PTPRT: variants seen among roughly 807,000 people sequenced by gnomAD.
PTPRT encodes the protein protein tyrosine phosphatase receptor type T.
PTPRT carries 56 observed loss-of-function variants against 176.8 expected under a neutral mutation model. That is an observed-to-expected ratio of 0.32 (90% CI 0.26 to 0.40). PTPRT has a LOEUF of 0.40. PTPRT is among the 10% of genes least tolerant of loss of function. PTPRT has a pLI of 1.00. For missense variants in PTPRT, 1,540 were observed against 1,908.2 expected (o/e 0.81, Z 3.60); for synonymous variants, 783 against 739.0 (o/e 1.06, Z -0.96).
intron 1 of PTPRT, among the ~76,000 whole-genome samples, chr20:42,897,049 T>G (rs1161827722): frequency 6.6e-6 from 1 of 152,174 alleles, no homozygotes; most frequent in Non-Finnish European, 1.5e-5. Context: ...TTACATCTAA[T>G]TCAGTAAGCA....
intron 24 of PTPRT, among the ~76,000 whole-genome samples, chr20:42,106,377 A>C (rs1160473411): frequency 2.0e-5 from 3 of 152,200 alleles, no homozygotes; most frequent in Non-Finnish European, 4.4e-5. Flanking sequence ...TTGTTGATTA[A>C]ACCATTCCCT....
At chr20:42,296,986 A>G (rs2057397048) in intron 12 of PTPRT, among the ~76,000 whole-genome samples, 1 of 152,172 alleles carries the variant, frequency 6.6e-6, no homozygotes, top group Non-Finnish European at 1.5e-5. Flanking sequence ...AAAAATACAA[A>G]TTTAAAAAAT....
At chr20:42,120,678 G>A (rs924528724) in intron 19 of PTPRT, among the ~76,000 whole-genome samples, 5 of 152,210 alleles carry the variant, frequency 3.3e-5, no homozygotes, top group African/African-American at 1.2e-4. Flanking sequence ...CATTGGACAA[G>A]AGGTTGAAGG....
intron 13 of PTPRT, among the ~76,000 whole-genome samples, chr20:42,274,536 A>AGTGTGTGTGTGTGTGTGTGTGTGT (rs529883269): frequency 1.8e-5 from 2 of 113,296 alleles, no homozygotes; most frequent in African/African-American, 8.1e-5. Context: ...GGCCCTGTAC[A>AGTGTGTGTGTGTGTGTGTGTGTGT]GTGTGTGTGT....
At chr20:42,613,635 C>G (rs972878519) in intron 7 of PTPRT, among the ~76,000 whole-genome samples, 2 of 152,204 alleles carry the variant, frequency 1.3e-5, no homozygotes, top group Non-Finnish European at 2.9e-5. Flanking sequence ...GACCTGGAGG[C>G]TAAGATTACC....
At chr20:42,424,127 T>C (rs2059142811) in intron 9 of PTPRT, among the ~76,000 whole-genome samples, 1 of 152,226 alleles carries the variant, frequency 6.6e-6, no homozygotes. Context: ...GGGACCAACC[T>C]TAAAGCATTT....
chr20:43,080,639 G>A (rs2011415070), intron 1 of PTPRT, among the ~76,000 whole-genome samples: 1 of 152,196 alleles, frequency 6.6e-6, no homozygotes, highest in South Asian at 2.1e-4. Context: ...GGAAATGGCT[G>A]CCCAGCCTGT....
At position 42,552,267 on chromosome 20, in the gene PTPRT, T is replaced by C. The variant is rs140211424; in HGVS notation, c.1154-79705A>G. 4.6e-3 allele frequency among the ~76,000 whole-genome samples: 700 copies of C among 152,164 alleles called. 4 individuals are homozygous for C. Among genetic ancestry groups the C allele is most frequent in the African/African-American group, 0.016 (667 of 41,524 alleles). ...GCAAACAATACCTCCTTAACCTGAA[T>C]TGGGAAGAGAGATGGCAGATGCCAC... On this transcript the variant is annotated intron_variant, in intron 7 of 30. Coordinates refer to ENST00000373187, the MANE Select transcript of PTPRT (RefSeq NM_007050.6).
intron 2 of PTPRT, among the ~76,000 whole-genome samples, chr20:42,873,849 A>G (rs1242332109): frequency 6.6e-6 from 1 of 152,202 alleles, no homozygotes; most frequent in African/African-American, 2.4e-5. Flanking sequence ...TTTTTTAGAG[A>G]CATCTCAGCC....
chr20:42,132,066 A>T (rs1280580772), intron 18 of PTPRT, among the ~76,000 whole-genome samples: 1 of 152,190 alleles, frequency 6.6e-6, no homozygotes, highest in Non-Finnish European at 1.5e-5. Flanking sequence ...AGACTCAAGG[A>T]ATCATGCTGG....
chr20:42,326,264 C>G (rs972720768), intron 11 of PTPRT, among the ~76,000 whole-genome samples: 1 of 152,174 alleles, frequency 6.6e-6, no homozygotes, highest in Admixed American at 6.5e-5. Context: ...ACTGGCTTCA[C>G]ACTCGCTGCT....
At chr20:42,956,791 G>T (rs1981671752) in intron 1 of PTPRT, among the ~76,000 whole-genome samples, 1 of 152,116 alleles carries the variant, frequency 6.6e-6, no homozygotes, top group African/African-American at 2.4e-5. Flanking sequence ...CAACGGTCAG[G>T]ACTATGCACT....
intron 1 of PTPRT, among the ~76,000 whole-genome samples, chr20:42,887,751 G>A (rs1022068094): frequency 7.9e-5 from 12 of 152,186 alleles, no homozygotes; most frequent in African/African-American, 2.7e-4. Flanking sequence ...TTTCTTGTTG[G>A]ATATGGACAC....
rs1383273677 is a variant in PTPRT at position 42,633,999 on chromosome 20, T to C, written c.1153+43867A>G. On this transcript the variant is annotated intron_variant, in intron 7 of 30. Transcript: ENST00000373187. ...TATATTATATATTATATTATATATATTATATATATATAATATATATATAAT... is the reference window on the plus strand; with the variant it reads ...TATATTATATATTATATTATATATACTATATATATATAATATATATATAAT... Among the ~76,000 whole-genome samples, 2 of 26,860 alleles carry C rather than the reference T, an allele frequency of 7.4e-5. 1 individual carries two copies. The highest frequency in any genetic ancestry group is 5.3e-4 in the African/African-American group (2 of 3,782). 17.6% of individuals were successfully genotyped at this position (26,860 alleles called of 152,430 possible).
intron 26 of PTPRT, among the ~76,000 whole-genome samples, chr20:42,099,504 G>T (rs978520136): frequency 1.4e-5 from 2 of 139,210 alleles, no homozygotes; most frequent in Non-Finnish European, 3.0e-5. Flanking sequence ...TCAGTCCCGT[G>T]TTGCAGATAG....
At chr20:42,599,329 G>A (rs1342799019) in intron 7 of PTPRT, among the ~76,000 whole-genome samples, 7 of 152,098 alleles carry the variant, frequency 4.6e-5, no homozygotes, top group African/African-American at 1.7e-4. Context: ...GTGCCACAAG[G>A]AGCTCCTTAT....
At chr20:42,391,331 T>C (rs927673615) in intron 9 of PTPRT, among the ~76,000 whole-genome samples, 3 of 152,114 alleles carry the variant, frequency 2.0e-5, no homozygotes, top group Admixed American at 1.3e-4. Context: ...TGAACACAAG[T>C]GTAGAAGTCT....
intron 9 of PTPRT, among the ~76,000 whole-genome samples, chr20:42,428,487 T>G (rs1371727329): frequency 1.3e-5 from 2 of 152,202 alleles, no homozygotes; most frequent in African/African-American, 4.8e-5. Flanking sequence ...ATGGGAAACT[T>G]TTTTCCAGTA....
intron 1 of PTPRT, among the ~76,000 whole-genome samples, chr20:42,975,488 A>G (rs754742874): frequency 6.6e-6 from 1 of 152,212 alleles, no homozygotes; most frequent in Non-Finnish European, 1.5e-5. Flanking sequence ...ACTTTTTTAT[A>G]TAAAAACCTT....
Sources: gnomAD v4.1 joint callset for allele counts (sites outside exome capture counted in the v4.1 genomes callset) on GRCh38, gnomAD v4.1.1 for gene constraint, MANE v1.5 for transcripts, NCBI Gene and HGNC (gene_info 2026-07-23, HGNC 2026-07-21) for gene names.